Variants in RBFOX1 observed in about 807,000 individuals in gnomAD.
The protein encoded by RBFOX1 is RNA binding protein fox-1 homolog 1.
A neutral mutation model predicts 57.7 loss-of-function variants in RBFOX1; 8 were observed. The observed-to-expected ratio is 0.14, with a 90% CI of 0.08 to 0.25. The LOEUF is 0.25. Among genes scored for constraint, RBFOX1 ranks in the 10% least tolerant of loss-of-function variants. The pLI is 1.00. For synonymous variants in RBFOX1, 326 were observed against 222.4 expected (o/e 1.47, Z -4.15); for missense variants, 611 against 548.5 (o/e 1.11, Z -1.14).
At chr16:6,131,728 C>T (rs1229312204) in intron 1 of RBFOX1, among the ~76,000 whole-genome samples, 3 of 152,180 alleles carry the variant, frequency 2.0e-5, no homozygotes, top group African/African-American at 4.8e-5. Flanking sequence ...CCATTTCCTC[C>T]CCACTGGCCT....
intron 2 of RBFOX1, among the ~76,000 whole-genome samples, chr16:5,514,336 G>C (rs111844088): frequency 2.0e-4 from 30 of 152,178 alleles, no homozygotes; most frequent in African/African-American, 7.0e-4. Flanking sequence ...CTGGGCATGT[G>C]TTTCTCATCA....
At chr16:6,043,472 G>T (rs552727362) in intron 1 of RBFOX1, among the ~76,000 whole-genome samples, 3 of 152,292 alleles carry the variant, frequency 2.0e-5, no homozygotes, top group African/African-American at 7.2e-5. Flanking sequence ...TTGGAATTGG[G>T]TATCTTATTC....
At position 7,707,679 on chromosome 16, in the gene RBFOX1, ACTC is replaced by A. The variant is rs2082924544; in HGVS notation, c.996-1373_996-1371del. On this transcript the variant is annotated intron_variant, in intron 14 of 15. Coordinates refer to ENST00000550418, the MANE Select transcript of RBFOX1 (RefSeq NM_018723.4). ...ACTTTAACTCAATGGTGCATCACTC[ACTC>A]CTCAGGAAAGCCCACAGCTAATGCC... Among the ~76,000 whole-genome samples, 4 of 151,828 alleles carry A rather than the reference ACTC, an allele frequency of 2.6e-5. 1 individual carries two copies. In the South Asian group the frequency reaches 8.3e-4, roughly 32 times the overall value.
At chr16:5,783,487 G>A (rs1254009318) in intron 3 of RBFOX1, among the ~76,000 whole-genome samples, 1 of 152,050 alleles carries the variant, frequency 6.6e-6, no homozygotes, top group East Asian at 1.9e-4. Flanking sequence ...CAATAATATA[G>A]GAAAAGTGGA....
At position 7,103,810 on chromosome 16, in the gene RBFOX1, G is replaced by A. The variant is rs531079895; in HGVS notation, c.27+51712G>A. Among the ~76,000 whole-genome samples the A allele has an allele frequency of 5.9e-5, 9 of 152,196 alleles. No individual in the cohort carries two copies. In the South Asian group the frequency reaches 6.2e-4, roughly 11 times the overall value. ...CAATATGTCAGAAATTACCAGACTC[G>A]TGACTTCAAGTGCCTTTAACTCTTA... On this transcript the variant is annotated intron_variant, in intron 4 of 15. Transcript: ENST00000550418.
chr16:7,197,058 C>T lies in RBFOX1; in HGVS notation c.27+144960C>T, dbSNP rs984004711. On this transcript the variant is annotated intron_variant, in intron 4 of 15. Coordinates refer to ENST00000550418, the MANE Select transcript of RBFOX1 (RefSeq NM_018723.4). Reference sequence around the variant, plus strand: ...ATAGCCATCTTTCAGCCAGTTGCTCCTTGTGTGCTAGACACCTGAACACAT... The same window carrying T: ...ATAGCCATCTTTCAGCCAGTTGCTCTTTGTGTGCTAGACACCTGAACACAT... Among the ~76,000 whole-genome samples, 6 of 152,300 alleles carry T rather than the reference C, an allele frequency of 3.9e-5. No homozygotes were observed. The South Asian group carries it at 6.2e-4, about 16-fold the overall frequency.
chr16:5,523,046 G>T (rs2044082858), intron 2 of RBFOX1, among the ~76,000 whole-genome samples: 1 of 152,172 alleles, frequency 6.6e-6, no homozygotes, highest in Non-Finnish European at 1.5e-5. Context: ...CCAGTACTTT[G>T]GGAGGCTGAG....
chr16:7,669,910 A>G (rs1406749416), intron 13 of RBFOX1, among the ~76,000 whole-genome samples: 1 of 152,150 alleles, frequency 6.6e-6, no homozygotes, highest in Non-Finnish European at 1.5e-5. Flanking sequence ...CCAAGAAATC[A>G]GGCGAATGCT....
chr16:5,414,669 A>G (rs1030354224), intron 1 of RBFOX1, among the ~76,000 whole-genome samples: 6 of 152,146 alleles, frequency 3.9e-5, no homozygotes, highest in Non-Finnish European at 5.9e-5. Flanking sequence ...TCAATTTTAT[A>G]GTGTCTCCAG....
At chr16:7,690,177 C>G (rs778050399) in intron 14 of RBFOX1, among the ~76,000 whole-genome samples, 2 of 152,068 alleles carry the variant, frequency 1.3e-5, no homozygotes, top group African/African-American at 4.8e-5. Flanking sequence ...CCAGGCCCTA[C>G]CCCAGATCAA....
intron 4 of RBFOX1, among the ~76,000 whole-genome samples, chr16:7,280,176 G>A (rs1281995679): frequency 6.6e-6 from 1 of 152,184 alleles, no homozygotes; most frequent in Non-Finnish European, 1.5e-5. Flanking sequence ...AAAACACGAT[G>A]TACACCTTGA....
At chr16:7,420,724 T>C (rs1477578311) in intron 4 of RBFOX1, among the ~76,000 whole-genome samples, 1 of 151,834 alleles carries the variant, frequency 6.6e-6, no homozygotes, top group Non-Finnish European at 1.5e-5. Flanking sequence ...TGTACAAATG[T>C]ATGACTTCAA....
chr16:6,922,597 A>C (rs970270598), intron 3 of RBFOX1, among the ~76,000 whole-genome samples: 1 of 152,170 alleles, frequency 6.6e-6, no homozygotes, highest in African/African-American at 2.4e-5. Context: ...ATAAATGAAC[A>C]TGTGATTCTT....
At chr16:7,254,560 A>C (rs1027280006) in intron 4 of RBFOX1, among the ~76,000 whole-genome samples, 9 of 151,606 alleles carry the variant, frequency 5.9e-5, no homozygotes, top group African/African-American at 2.2e-4. Context: ...AACTGTACCA[A>C]CTCATCATTG....
At chr16:5,851,069 A>G (rs2056886008) in intron 3 of RBFOX1, among the ~76,000 whole-genome samples, 1 of 152,104 alleles carries the variant, frequency 6.6e-6, no homozygotes, top group Non-Finnish European at 1.5e-5. Flanking sequence ...GCACTTCCCC[A>G]ATTCCCAGGC....
intron 4 of RBFOX1, among the ~76,000 whole-genome samples, chr16:7,211,501 C>G (rs909001966): frequency 1.3e-5 from 2 of 151,372 alleles, no homozygotes; most frequent in African/African-American, 4.9e-5. Flanking sequence ...GACTCTATCA[C>G]TAGTAAATAC....
At chr16:5,758,172 A>C (rs925406153) in intron 3 of RBFOX1, among the ~76,000 whole-genome samples, 1 of 152,222 alleles carries the variant, frequency 6.6e-6, no homozygotes, top group African/African-American at 2.4e-5. Flanking sequence ...GTTTCTTCTG[A>C]ACTCTGCCAT....
intron 1 of RBFOX1, among the ~76,000 whole-genome samples, chr16:6,219,951 C>G (rs746286702): frequency 1.3e-5 from 2 of 152,118 alleles, no homozygotes; most frequent in African/African-American, 4.8e-5. Context: ...AAGCTCTTAG[C>G]ACAAATGTAA....
intron 1 of RBFOX1, among the ~76,000 whole-genome samples, chr16:6,148,935 T>G (rs1302872866): frequency 6.6e-6 from 1 of 151,964 alleles, no homozygotes; most frequent in African/African-American, 2.4e-5. Context: ...ATTTTTTCAT[T>G]AAAAAATTCC....
Sources: allele counts gnomAD v4.1 joint callset (sites outside exome capture counted in the v4.1 genomes callset), GRCh38; gene constraint gnomAD v4.1.1; transcripts MANE v1.5; gene names NCBI Gene and HGNC (gene_info 2026-07-23, HGNC 2026-07-21).